Variants in FSTL5 observed in about 807,000 individuals in gnomAD.
FSTL5 encodes the protein follistatin like 5.
FSTL5 carries 62 observed loss-of-function variants against 89.1 expected under a neutral mutation model. The ratio of observed to expected loss-of-function variants is 0.70; its 90% CI spans 0.57 to 0.86. The LOEUF (loss-of-function observed/expected upper bound fraction) is 0.86, where lower values mean the gene tolerates loss of function less well. FSTL5 is among the 40% of genes least tolerant of loss of function. The pLI is 0.00. For synonymous variants in FSTL5, 383 were observed against 346.2 expected (o/e 1.11, Z -1.18); for missense variants, 1,057 against 1,001.6 (o/e 1.06, Z -0.75).
At chr4:161,826,949 A>T (rs72979185) in intron 4 of FSTL5, among the ~76,000 whole-genome samples, 13,719 of 152,060 alleles carry the variant, frequency 0.09, 770 homozygotes, top group African/African-American at 0.16. Flanking sequence ...ACATTTTTTT[A>T]AATTTATTTA....
chr4:161,511,577 T>C (rs752781077), intron 10 of FSTL5, among the ~76,000 whole-genome samples: 2 of 152,096 alleles, frequency 1.3e-5, no homozygotes, highest in African/African-American at 2.4e-5. Flanking sequence ...TAATGTACAA[T>C]GTGGGTGGTG....
At chr4:161,705,953 T>TGTGTGTGTAG (rs1491505365) in intron 6 of FSTL5, among the ~76,000 whole-genome samples, 1 of 27,684 alleles carries the variant, frequency 3.6e-5, no homozygotes, top group African/African-American at 2.1e-4. Flanking sequence ...TAGATGTGTG[T>TGTGTGTGTAG]ATATATATAT....
chr4:161,745,825 GATT>G (rs1348708631), intron 6 of FSTL5, among the ~76,000 whole-genome samples: 1 of 151,972 alleles, frequency 6.6e-6, no homozygotes, highest in Non-Finnish European at 1.5e-5. Flanking sequence ...TACAAAATAT[GATT>G]ATAATAAAAT....
intron 10 of FSTL5, among the ~76,000 whole-genome samples, chr4:161,522,495 T>A (rs1731072226): frequency 6.6e-6 from 1 of 151,814 alleles, no homozygotes; most frequent in Non-Finnish European, 1.5e-5. Flanking sequence ...TATACATATT[T>A]ACTAATATAC....
At chr4:161,617,359 A>G (rs1734911861) in intron 7 of FSTL5, among the ~76,000 whole-genome samples, 1 of 152,118 alleles carries the variant, frequency 6.6e-6, no homozygotes, top group Non-Finnish European at 1.5e-5. Context: ...AAAAAGTACT[A>G]AAGAAAAGTT....
Position 161,413,115 on chromosome 4 carries a change from C to A in FSTL5, c.1842-26666G>T, listed in dbSNP as rs145295471. Among the ~76,000 whole-genome samples, 235 of 151,826 alleles carry A rather than the reference C, an allele frequency of 1.5e-3. 1 individual carries two copies. Among genetic ancestry groups the A allele is most frequent in the East Asian group, 5.4e-3 (28 of 5,148 alleles). On this transcript the variant is annotated intron_variant, in intron 15 of 15. Coordinates refer to ENST00000306100, the MANE Select transcript of FSTL5 (RefSeq NM_020116.5). ...ACAGCAAAATAAACTATCAACAGAA[C>A]AAATAGACAACCTACAGAATGGGAG...
chr4:162,137,322 A>G (rs12512378), intron 1 of FSTL5, among the ~76,000 whole-genome samples: 35,320 of 152,012 alleles, frequency 0.23, 4,293 homozygotes, highest in Non-Finnish European at 0.26. Context: ...CATATTAAAA[A>G]TCTAAAGACT....
intron 4 of FSTL5, among the ~76,000 whole-genome samples, chr4:161,868,636 C>T (rs898905277): frequency 6.6e-6 from 1 of 152,118 alleles, no homozygotes; most frequent in East Asian, 1.9e-4. Flanking sequence ...TGTATATAGA[C>T]CCATTAGCAT....
chr4:161,539,312 T>A (rs186660801), intron 9 of FSTL5, among the ~76,000 whole-genome samples: 11 of 151,896 alleles, frequency 7.2e-5, no homozygotes, highest in African/African-American at 1.2e-4. Flanking sequence ...ACGTAATCAG[T>A]GTGGTTTGGG....
chr4:161,416,316 CTTTAA>C (rs1409742684), intron 15 of FSTL5, among the ~76,000 whole-genome samples: 1 of 152,112 alleles, frequency 6.6e-6, no homozygotes, highest in Non-Finnish European at 1.5e-5. Context: ...CATTCAACTT[CTTTAA>C]TTTATTTGTG....
chr4:161,521,396 A>G (rs1272570264), intron 10 of FSTL5, among the ~76,000 whole-genome samples: 2 of 152,130 alleles, frequency 1.3e-5, no homozygotes, highest in Non-Finnish European at 2.9e-5. Flanking sequence ...TCTGGTCATA[A>G]TGCTACCTGA....
intron 4 of FSTL5, among the ~76,000 whole-genome samples, chr4:161,889,415 G>C (rs1351487445): frequency 1.3e-5 from 2 of 152,066 alleles, no homozygotes; most frequent in Admixed American, 6.6e-5. Flanking sequence ...GGCCGTGGTT[G>C]GGCAAATCAC....
intron 4 of FSTL5, among the ~76,000 whole-genome samples, chr4:161,874,745 T>C (rs1448346301): frequency 6.6e-6 from 1 of 152,128 alleles, no homozygotes; most frequent in Non-Finnish European, 1.5e-5. Flanking sequence ...TTTTTTGTAA[T>C]ATTAATTATA....
intron 1 of FSTL5, among the ~76,000 whole-genome samples, chr4:162,117,969 T>A (rs1731709791): frequency 6.6e-6 from 1 of 152,086 alleles, no homozygotes; most frequent in Admixed American, 6.5e-5. Flanking sequence ...AGTCGAAAAA[T>A]TAAGTTGCAG....
intron 8 of FSTL5, among the ~76,000 whole-genome samples, chr4:161,586,066 T>A (rs895960473): frequency 1.3e-5 from 2 of 152,148 alleles, no homozygotes; most frequent in Non-Finnish European, 2.9e-5. Flanking sequence ...ATTTTCAAAC[T>A]TTTTGGCACA....
chr4:161,559,904 T>C (rs1732530071), intron 8 of FSTL5, among the ~76,000 whole-genome samples: 1 of 151,878 alleles, frequency 6.6e-6, no homozygotes. Context: ...GCCACAAACC[T>C]GTGCAGTATC....
chr4:162,123,608 T>A (rs1241341350), intron 1 of FSTL5, among the ~76,000 whole-genome samples: 1 of 61,442 alleles, frequency 1.6e-5, no homozygotes, highest in Non-Finnish European at 4.1e-5. Context: ...ACATTCCTAG[T>A]GGTTTAACCA....
chr4:161,630,804 C>T (rs2126655660), intron 7 of FSTL5, among the ~76,000 whole-genome samples: 1 of 152,300 alleles, frequency 6.6e-6, no homozygotes, highest in African/African-American at 2.4e-5. Flanking sequence ...CTTTGAGTCA[C>T]ATGGCCCCAA....
At chr4:162,100,564 T>C (rs1404475652) in intron 2 of FSTL5, among the ~76,000 whole-genome samples, 1 of 152,172 alleles carries the variant, frequency 6.6e-6, no homozygotes, top group Non-Finnish European at 1.5e-5. Context: ...GATGAAACTA[T>C]TTTGTCTGAT....
Sources: gnomAD v4.1 joint callset for allele counts (sites outside exome capture counted in the v4.1 genomes callset) on GRCh38, gnomAD v4.1.1 for gene constraint, MANE v1.5 for transcripts, NCBI Gene and HGNC (gene_info 2026-07-23, HGNC 2026-07-21) for gene names.